NRG3: variants seen among roughly 807,000 people sequenced by gnomAD.
The protein encoded by NRG3 is neuregulin 3.
NRG3 carries 31 observed loss-of-function variants against 66.9 expected under a neutral mutation model. The observed-to-expected ratio is 0.46, with a 90% CI of 0.35 to 0.63. NRG3 has a LOEUF of 0.63. Among genes scored for constraint, NRG3 ranks in the 20% least tolerant of loss-of-function variants. The pLI is 0.00. For synonymous variants in NRG3, 393 were observed against 359.4 expected (o/e 1.09, Z -1.06); for missense variants, 910 against 878.9 (o/e 1.04, Z -0.45).
chr10:82,005,758 G>A (rs542750126), intron 1 of NRG3, among the ~76,000 whole-genome samples: 10 of 152,068 alleles, frequency 6.6e-5, no homozygotes, highest in South Asian at 2.1e-4. Flanking sequence ...TTTGCAACAC[G>A]TTTAGCATGT....
intron 1 of NRG3, among the ~76,000 whole-genome samples, chr10:82,180,510 T>C (rs2073343028): frequency 1.3e-5 from 2 of 151,946 alleles, no homozygotes; most frequent in African/African-American, 2.4e-5. Flanking sequence ...ATGTGATTTT[T>C]ATCCTTTATT....
intron 7 of NRG3, among the ~76,000 whole-genome samples, chr10:82,974,531 G>A (rs534707629): frequency 6.6e-5 from 10 of 152,276 alleles, no homozygotes; most frequent in South Asian, 2.1e-4. Flanking sequence ...TCAGGATTCT[G>A]AAACTCCAAA....
At chr10:82,091,454 T>G (rs537719363) in intron 1 of NRG3, among the ~76,000 whole-genome samples, 1 of 152,184 alleles carries the variant, frequency 6.6e-6, no homozygotes, top group Non-Finnish European at 1.5e-5. Flanking sequence ...TCACTAAGCA[T>G]GGTTTCAAGG....
chr10:82,313,842 A>G (rs897897829), intron 1 of NRG3, among the ~76,000 whole-genome samples: 5 of 152,198 alleles, frequency 3.3e-5, no homozygotes, highest in African/African-American at 1.2e-4. Context: ...GAGCAGTGCT[A>G]AGTCTTGTAT....
chr10:82,790,401 C>T (rs558826705), intron 3 of NRG3, among the ~76,000 whole-genome samples: 1 of 152,132 alleles, frequency 6.6e-6, no homozygotes, highest in Admixed American at 6.6e-5. Context: ...ATATGTCATC[C>T]CACCACATCG....
chr10:82,670,686 G>C (rs2053198104), intron 2 of NRG3, among the ~76,000 whole-genome samples: 1 of 151,908 alleles, frequency 6.6e-6, no homozygotes, highest in East Asian at 1.9e-4. Context: ...TTCTCCTGTG[G>C]ATCCTAAAGC....
intron 3 of NRG3, among the ~76,000 whole-genome samples, chr10:82,857,732 T>C (rs1388526660): frequency 1.3e-5 from 2 of 152,242 alleles, no homozygotes; most frequent in Non-Finnish European, 2.9e-5. Flanking sequence ...TTTTTTACAT[T>C]CCACTTTTTA....
intron 1 of NRG3, among the ~76,000 whole-genome samples, chr10:82,249,268 A>G (rs1245453119): frequency 6.6e-6 from 1 of 152,216 alleles, no homozygotes; most frequent in Admixed American, 6.5e-5. Context: ...TCCAGTAGAC[A>G]GATGTTCAAT....
At chr10:82,784,389 A>G (rs1174805002) in intron 3 of NRG3, among the ~76,000 whole-genome samples, 2 of 151,152 alleles carry the variant, frequency 1.3e-5, no homozygotes, top group South Asian at 2.1e-4. Flanking sequence ...GCTTCTGCAC[A>G]GCAAAAGAAA....
At chr10:82,759,030 G>A (rs906745590) in intron 3 of NRG3, among the ~76,000 whole-genome samples, 1 of 152,056 alleles carries the variant, frequency 6.6e-6, no homozygotes, top group Non-Finnish European at 1.5e-5. Context: ...TCCCCAATGG[G>A]GCAGTGTTGG....
intron 1 of NRG3, among the ~76,000 whole-genome samples, chr10:82,169,221 T>G (rs899530904): frequency 6.6e-6 from 1 of 152,102 alleles, no homozygotes; most frequent in Non-Finnish European, 1.5e-5. Context: ...AATTCTAAAA[T>G]GTTGGCTAGA....
intron 1 of NRG3, among the ~76,000 whole-genome samples, chr10:82,161,453 T>G (rs543543767): frequency 6.6e-6 from 1 of 152,192 alleles, no homozygotes; most frequent in African/African-American, 2.4e-5. Context: ...AAGCAATCAC[T>G]TCCCCTTTTT....
At chr10:82,513,603 A>T (rs1845396239) in intron 2 of NRG3, among the ~76,000 whole-genome samples, 1 of 152,184 alleles carries the variant, frequency 6.6e-6, no homozygotes. Flanking sequence ...CAACATGGCG[A>T]AACCCTGTTT....
intron 2 of NRG3, among the ~76,000 whole-genome samples, chr10:82,700,446 A>C (rs757840821): frequency 1.3e-4 from 20 of 152,228 alleles, no homozygotes; most frequent in Non-Finnish European, 2.6e-4. Context: ...GAAAGAGGGC[A>C]CAGCTTTTAT....
At chr10:82,291,186 C>A (rs1354115075) in intron 1 of NRG3, among the ~76,000 whole-genome samples, 1 of 151,836 alleles carries the variant, frequency 6.6e-6, no homozygotes, top group Non-Finnish European at 1.5e-5. Flanking sequence ...ACGCACCAGT[C>A]ACATTTTTAT....
At chr10:81,898,267 G>A (rs748540336) in intron 1 of NRG3, among the ~76,000 whole-genome samples, 2 of 152,202 alleles carry the variant, frequency 1.3e-5, no homozygotes, top group Admixed American at 6.5e-5. Context: ...ACCCCTGCCA[G>A]CAAGAGCCTT....
intron 1 of NRG3, among the ~76,000 whole-genome samples, chr10:81,903,774 A>G (rs1844306088): frequency 6.6e-6 from 1 of 152,130 alleles, no homozygotes; most frequent in Admixed American, 6.5e-5. Flanking sequence ...GAAAACAAAC[A>G]TGTTCAACTG....
At chr10:82,757,832 A>T (rs74520600) in intron 3 of NRG3, among the ~76,000 whole-genome samples, 3,815 of 152,096 alleles carry the variant, frequency 0.025, 175 homozygotes, top group African/African-American at 0.086. Flanking sequence ...ATTTTTTTTT[A>T]AATTTCTTAA....
intron 1 of NRG3, among the ~76,000 whole-genome samples, chr10:82,311,168 T>C (rs1476021586): frequency 6.6e-6 from 1 of 152,146 alleles, no homozygotes; most frequent in Non-Finnish European, 1.5e-5. Flanking sequence ...CGCTGGTTAC[T>C]GATAAGGTAT....
Sources: allele counts gnomAD v4.1 joint callset (sites outside exome capture counted in the v4.1 genomes callset), GRCh38; gene constraint gnomAD v4.1.1; transcripts MANE v1.5; gene names NCBI Gene and HGNC (gene_info 2026-07-23, HGNC 2026-07-21).